SPAG16: variants seen among roughly 807,000 people sequenced by gnomAD.
SPAG16 encodes the protein sperm associated antigen 16, also known as sperm-associated antigen 16 protein.
SPAG16 carries 86 observed loss-of-function variants against 80.4 expected under a neutral mutation model. That is an observed-to-expected ratio of 1.07 (90% CI 0.90 to 1.28). The LOEUF (loss-of-function observed/expected upper bound fraction) is 1.28, where lower values mean the gene tolerates loss of function less well. SPAG16 is among the 50% of genes most tolerant of loss of function. SPAG16 has a pLI of 0.00. For missense variants in SPAG16, 870 were observed against 765.3 expected, an observed-to-expected ratio of 1.14 and a Z score of -1.61; for synonymous variants, 294 against 265.9, an observed-to-expected ratio of 1.11 and a Z score of -1.03.
chr2:214,183,139 T>C (rs2057358022), intron 15 of SPAG16, among the ~76,000 whole-genome samples: 1 of 151,988 alleles, frequency 6.6e-6, no homozygotes, highest in African/African-American at 2.4e-5. Context: ...CCTATTTGAA[T>C]TACTGCCCGC....
At chr2:214,180,299 G>T (rs1259329848) in intron 15 of SPAG16, among the ~76,000 whole-genome samples, 1 of 151,452 alleles carries the variant, frequency 6.6e-6, no homozygotes, top group East Asian at 1.9e-4. Context: ...TAGGGAATTT[G>T]TCCAGAGCAG....
chr2:213,622,168 A>G (rs2061810599), intron 10 of SPAG16, among the ~76,000 whole-genome samples: 1 of 152,222 alleles, frequency 6.6e-6, no homozygotes, highest in Admixed American at 6.5e-5. Context: ...ATAGTCCCAT[A>G]GCTAGCTTTT....
chr2:213,931,703 G>A (rs896564732), intron 12 of SPAG16, among the ~76,000 whole-genome samples: 7 of 151,988 alleles, frequency 4.6e-5, no homozygotes, highest in African/African-American at 1.7e-4. Flanking sequence ...TTATGACCCT[G>A]GTATCTAAAT....
intron 10 of SPAG16, among the ~76,000 whole-genome samples, chr2:213,608,591 G>A (rs756233782): frequency 6.6e-6 from 1 of 152,170 alleles, no homozygotes; most frequent in Admixed American, 6.5e-5. Flanking sequence ...CATTTGGGTT[G>A]GTTCCAAGTC....
intron 10 of SPAG16, among the ~76,000 whole-genome samples, chr2:213,689,912 C>T (rs2064867311): frequency 2.0e-5 from 3 of 152,148 alleles, no homozygotes; most frequent in African/African-American, 7.2e-5. Flanking sequence ...TATTCATTTT[C>T]TCCTTTATAC....
intron 10 of SPAG16, among the ~76,000 whole-genome samples, chr2:213,803,590 T>C (rs555375207): frequency 1.7e-4 from 26 of 152,142 alleles, no homozygotes; most frequent in Non-Finnish European, 3.1e-4. Flanking sequence ...AAGCAAAATA[T>C]ATGAATAGTT....
intron 10 of SPAG16, among the ~76,000 whole-genome samples, chr2:213,751,804 A>C (rs1002925072): frequency 6.6e-6 from 1 of 152,182 alleles, no homozygotes; most frequent in Non-Finnish European, 1.5e-5. Flanking sequence ...TGAGATACTT[A>C]GGCATTAGGC....
At chr2:213,768,292 T>A (rs552327884) in intron 10 of SPAG16, among the ~76,000 whole-genome samples, 10 of 152,098 alleles carry the variant, frequency 6.6e-5, no homozygotes, top group African/African-American at 1.7e-4. Flanking sequence ...ATAGGAAAAA[T>A]TTGTCACTAA....
rs537472708 is a variant in SPAG16, at chr2:213,631,533, G to T, written c.1070+141443G>T. On this transcript the variant is annotated intron_variant, in intron 10 of 15. Transcript: ENST00000331683. ...CGTGGGAAGTGATTGAATCATGGGG[G>T]TGAAATTCCCCCTTGCTGTTCTCAT... Among the ~76,000 whole-genome samples the T allele has an allele frequency of 5.3e-5, 8 of 152,264 alleles. No individual in the cohort carries two copies. In the South Asian group the frequency reaches 6.2e-4, roughly 12 times the overall value.
At chr2:214,174,527 C>T (rs967364694) in intron 15 of SPAG16, among the ~76,000 whole-genome samples, 2 of 151,584 alleles carry the variant, frequency 1.3e-5, no homozygotes, top group African/African-American at 4.8e-5. Context: ...TTACAAGGGA[C>T]GTGAAGAGAA....
intron 15 of SPAG16, among the ~76,000 whole-genome samples, chr2:214,316,069 A>G (rs1264961125): frequency 2.0e-5 from 3 of 151,440 alleles, no homozygotes; most frequent in East Asian, 3.9e-4. Flanking sequence ...CTGTATAACA[A>G]CTTCTTTGGT....
At chr2:213,971,289 A>G (rs2045036741) in intron 12 of SPAG16, among the ~76,000 whole-genome samples, 1 of 152,156 alleles carries the variant, frequency 6.6e-6, no homozygotes, top group African/African-American at 2.4e-5. Flanking sequence ...GCACAGCTAC[A>G]TAGTGCTAAT....
intron 11 of SPAG16, among the ~76,000 whole-genome samples, chr2:213,889,010 A>G (rs2076674646): frequency 6.6e-6 from 1 of 151,942 alleles, no homozygotes; most frequent in Non-Finnish European, 1.5e-5. Context: ...TAGTTTTAAA[A>G]CACCATAAAA....
chr2:214,133,129 T>TAA (rs71037345), intron 14 of SPAG16, among the ~76,000 whole-genome samples: 1,668 of 141,332 alleles, frequency 0.012, 11 homozygotes, highest in Non-Finnish European at 0.015. Context: ...TAAATAATAA[T>TAA]AAAAAAAAAA....
rs751193019 is a variant in SPAG16 at position 213,364,156 on chromosome 2, A to AATGTAAC, written c.832+15_832+16insAACATGT. 6.8e-7 allele frequency: 1 copy of AATGTAAC among 1,459,980 alleles called. No homozygotes were observed. Among genetic ancestry groups the AATGTAAC allele is most frequent in the Admixed American group, 2.3e-5 (1 of 43,170 alleles). 90.4% of individuals were successfully genotyped at this position (1,459,980 alleles called of 1,614,324 possible). On this transcript the variant is annotated intron_variant, in intron 8 of 15. Coordinates refer to ENST00000331683, the MANE Select transcript of SPAG16 (RefSeq NM_024532.5). Reference sequence around the variant, plus strand: ...GTCCTCAAATTAAAGGTAAATGTAAAATGTGATGAAGCTCTCATTTAATAT... The same window carrying AATGTAAC: ...GTCCTCAAATTAAAGGTAAATGTAAAATGTAACATGTGATGAAGCTCTCATTTAATAT...
intron 13 of SPAG16, among the ~76,000 whole-genome samples, chr2:214,023,799 T>C (rs898690444): frequency 1.3e-5 from 2 of 151,672 alleles, no homozygotes; most frequent in African/African-American, 4.8e-5. Context: ...TTACTATAAA[T>C]GGTATTACAC....
chr2:214,389,419 T>C (rs528105781), intron 15 of SPAG16, among the ~76,000 whole-genome samples: 1 of 152,302 alleles, frequency 6.6e-6, no homozygotes, highest in East Asian at 1.9e-4. Context: ...GGGCTAATGA[T>C]TGCAATGTAT....
intron 15 of SPAG16, among the ~76,000 whole-genome samples, chr2:214,357,115 T>A (rs1322951467): frequency 2.0e-5 from 3 of 152,050 alleles, no homozygotes; most frequent in East Asian, 1.9e-4. Context: ...AATCTAATAG[T>A]CACCCCTTGA....
At chr2:214,233,852 T>C (rs1688880064) in intron 15 of SPAG16, among the ~76,000 whole-genome samples, 1 of 152,174 alleles carries the variant, frequency 6.6e-6, no homozygotes, top group Non-Finnish European at 1.5e-5. Flanking sequence ...ATATTTCATG[T>C]ATGCAGTTTT....
Sources: allele counts gnomAD v4.1 joint callset (sites outside exome capture counted in the v4.1 genomes callset), GRCh38; gene constraint gnomAD v4.1.1; transcripts MANE v1.5; gene names NCBI Gene and HGNC (gene_info 2026-07-23, HGNC 2026-07-21).